HCRTR2: variants seen among roughly 807,000 people sequenced by gnomAD.
HCRTR2 encodes hypocretin receptor 2.
Under a neutral mutation model 49.0 loss-of-function variants are expected in HCRTR2, and 22 were observed. The ratio of observed to expected loss-of-function variants is 0.45; its 90% CI spans 0.32 to 0.64. The LOEUF (loss-of-function observed/expected upper bound fraction) is 0.64. HCRTR2 is among the 30% of genes least tolerant of loss of function. The probability of loss-of-function intolerance (pLI) is 0.04; values close to 1 mark genes in which losing one functional copy is unlikely to be tolerated. For missense variants in HCRTR2, 491 were observed against 559.4 expected, an observed-to-expected ratio of 0.88 and a Z score of 1.23; for synonymous variants, 236 against 205.3, an observed-to-expected ratio of 1.15 and a Z score of -1.28.
intron 1 of HCRTR2, among the ~76,000 whole-genome samples, chr6:55,147,659 G>A (rs1764613279): frequency 6.6e-6 from 1 of 152,132 alleles, no homozygotes; most frequent in South Asian, 2.1e-4. Context: ...AATTCATTTT[G>A]ATGATCTGTC....
At position 55,201,967 on chromosome 6, in the gene HCRTR2, A is replaced by G. The variant is rs76472190; in HGVS notation, c.223+27157A>G. On this transcript the variant is annotated intron_variant, in intron 1 of 6. Transcript: ENST00000370862. ...TGGATCTGAATAATGAAGTTATTCA[A>G]GAAGCAACTTTAAGAATGTTATATT... Among the ~76,000 whole-genome samples the G allele has an allele frequency of 5.7e-3, 865 of 152,308 alleles. 5 individuals carry two copies. The highest frequency in any genetic ancestry group is 0.02 in the African/African-American group (812 of 41,582).
At chr6:55,200,269 GTGTGTGTGTT>G (rs1385636756) in intron 1 of HCRTR2, among the ~76,000 whole-genome samples, 8 of 147,856 alleles carry the variant, frequency 5.4e-5, no homozygotes, top group African/African-American at 2.1e-4. Context: ...GTGTGTGTGT[GTGTGTGTGTT>G]TTTGAAACGG....
chr6:55,162,964 A>G (rs1022067907), intron 1 of HCRTR2, among the ~76,000 whole-genome samples: 67 of 152,210 alleles, frequency 4.4e-4, no homozygotes, highest in African/African-American at 1.6e-3. Context: ...TTAGTAAAAA[A>G]CTGGCCAGGC....
intron 1 of HCRTR2, among the ~76,000 whole-genome samples, chr6:55,139,909 G>A (rs1398458722): frequency 6.6e-6 from 1 of 152,094 alleles, no homozygotes; most frequent in Non-Finnish European, 1.5e-5. Flanking sequence ...AAATTCAAGA[G>A]GCATAAAATT....
rs1199310469 is a variant in HCRTR2 at position 55,275,798 on chromosome 6, C to T, written c.763-1582C>T. ...GCTAATTTTGTATTTTTAGTAGAGG[C>T]GGGGTTTCTTCATGTTGGTCAGGCT... On this transcript the variant is annotated intron_variant, in intron 4 of 6. Transcript: ENST00000370862. Among the ~76,000 whole-genome samples, 8 of 151,916 alleles carry T rather than the reference C, an allele frequency of 5.3e-5. No individual in the cohort carries two copies. The East Asian group carries it at 5.8e-4, about 11-fold the overall frequency.
chr6:55,274,242 T>C (rs962914223), intron 4 of HCRTR2, among the ~76,000 whole-genome samples: 1 of 21,626 alleles, frequency 4.6e-5, no homozygotes, highest in African/African-American at 1.1e-4. Context: ...ATTTTCAGTA[T>C]ATATATATAT....
At chr6:55,283,015 T>C (rs966622509), downstream of HCRTR2, among the ~76,000 whole-genome samples, 3 of 152,200 alleles carry the variant, frequency 2.0e-5, no homozygotes, top group Non-Finnish European at 4.4e-5. Flanking sequence ...TACTCACTCA[T>C]TTACACAATT....
intron 1 of HCRTR2, among the ~76,000 whole-genome samples, chr6:55,126,369 G>T (rs1257549985): frequency 6.6e-6 from 1 of 152,154 alleles, no homozygotes; most frequent in African/African-American, 2.4e-5. Flanking sequence ...TCTTCAGCAG[G>T]TCTGCTGGAC....
intron 1 of HCRTR2, among the ~76,000 whole-genome samples, chr6:55,189,739 A>T (rs746348531): frequency 2.8e-4 from 43 of 152,278 alleles, no homozygotes; most frequent in Non-Finnish European, 4.3e-4. Context: ...ATGATGACAC[A>T]CGTTTACCTA....
At chr6:55,114,162 T>G (rs1764086378) in intron 1 of HCRTR2, among the ~76,000 whole-genome samples, 1 of 151,696 alleles carries the variant, frequency 6.6e-6, no homozygotes, top group African/African-American at 2.4e-5. Context: ...TACTACAGAT[T>G]GGGTACAGTG....
Position 55,138,497 on chromosome 6 carries a change from T to C in HCRTR2, c.-378+31952T>C, listed in dbSNP as rs111585900. Among the ~76,000 whole-genome samples the C allele has an allele frequency of 6.8e-3, 1,037 of 152,352 alleles. 5 individuals carry two copies. The highest frequency in any genetic ancestry group is 0.01 in the Non-Finnish European group (694 of 68,030). On this transcript the variant is annotated intron_variant, in intron 1 of 7. Transcript: ENST00000615358. ...ATGTGGCCAGTGTTGCAAAGCAATA[T>C]GCGCATGCTGCTTGCCACGGTAGTC...
intron 1 of HCRTR2, among the ~76,000 whole-genome samples, chr6:55,150,849 A>G (rs1404323711): frequency 1.3e-5 from 2 of 151,964 alleles, no homozygotes; most frequent in African/African-American, 4.8e-5. Context: ...TTGTCCCTGT[A>G]CACTTTCCTT....
At chr6:55,167,193 C>A (rs954558054) in intron 1 of HCRTR2, among the ~76,000 whole-genome samples, 10 of 152,118 alleles carry the variant, frequency 6.6e-5, no homozygotes, top group Non-Finnish European at 1.5e-5. Context: ...AAAATCTTAT[C>A]AATAACAAAG....
intron 4 of HCRTR2, among the ~76,000 whole-genome samples, chr6:55,270,665 T>A (rs1766955605): frequency 6.6e-6 from 1 of 152,216 alleles, no homozygotes; most frequent in Non-Finnish European, 1.5e-5. Context: ...AAATGTTATA[T>A]AAATTTGTTT....
chr6:55,282,581 A>C lies in HCRTR2; in HGVS notation c.*127A>C. On this transcript the variant is annotated 3_prime_UTR_variant, in exon 7 of 7. Transcript: ENST00000370862. ...TGTGGATCTTTTTTTTTTTTAATCT[A>C]TTGCTCTTTGGAAATAAAAAAAAAG... 1.6e-6 allele frequency: 1 copy of C among 640,340 alleles called. No individual in the cohort carries two copies. The highest frequency in any genetic ancestry group is 2.7e-6 in the Non-Finnish European group (1 of 365,852). The allele number at this position is 640,340 out of a possible 1,614,324, so 39.7% of individuals were successfully genotyped here. A position where few individuals can be genotyped will look rare whatever the true frequency, so the allele number is the denominator to read the frequency against.
At chr6:55,115,557 G>A (rs904608025) in intron 1 of HCRTR2, among the ~76,000 whole-genome samples, 4 of 151,122 alleles carry the variant, frequency 2.6e-5, no homozygotes, top group African/African-American at 9.7e-5. Context: ...CAGGTAAAGT[G>A]CTTAGCGTAG....
At chr6:55,121,300 T>C (rs1402530917) in intron 1 of HCRTR2, among the ~76,000 whole-genome samples, 4 of 151,948 alleles carry the variant, frequency 2.6e-5, no homozygotes, top group African/African-American at 7.2e-5. Context: ...TATAGGAATG[T>C]TTGTGATTTT....
upstream of HCRTR2, among the ~76,000 whole-genome samples, chr6:55,170,269 G>GTATTTATTTATACATGTAAATGTATAATA (rs1764930075): frequency 6.8e-6 from 1 of 147,898 alleles, no homozygotes; most frequent in Non-Finnish European, 1.5e-5. Context: ...TAAATATATT[G>GTATTTATTTATACATGTAAATGTATAATA]TATTTATTTA....
intron 1 of HCRTR2, among the ~76,000 whole-genome samples, chr6:55,149,890 A>G (rs1561987547): frequency 6.6e-6 from 1 of 152,070 alleles, no homozygotes; most frequent in Non-Finnish European, 1.5e-5. Flanking sequence ...GATAAAGCTA[A>G]ATCACTTTAA....
Sources: gnomAD v4.1 joint callset for allele counts (sites outside exome capture counted in the v4.1 genomes callset) on GRCh38, gnomAD v4.1.1 for gene constraint, MANE v1.5 for transcripts, NCBI Gene and HGNC (gene_info 2026-07-23, HGNC 2026-07-21) for gene names.